Variants in STRBP observed in about 807,000 individuals in gnomAD.
STRBP encodes the protein spermatid perinuclear RNA binding protein, also known as spermatid perinuclear RNA-binding protein.
A neutral mutation model predicts 80.1 loss-of-function variants in STRBP; 13 were observed. The observed-to-expected ratio is 0.16, with a 90% confidence interval of 0.11 to 0.26. The LOEUF is 0.26. Ranked by LOEUF, STRBP falls within the 10% of genes least tolerant of loss-of-function variation. The pLI is 1.00. For synonymous variants in STRBP, 284 were observed against 291.2 expected (o/e 0.98, Z 0.25); for missense variants, 485 against 815.2 (o/e 0.59, Z 4.93).
chr9:123,158,278 A>T, intron 10 of STRBP, 54 bp downstream of exon 10: 1 of 1,589,286 alleles, frequency 6.3e-7, no homozygotes, highest in Non-Finnish European at 8.6e-7. Context: ...CAATTGAGAA[A>T]ATTAAGTTAT....
At chr9:123,222,364 C>T (rs1399222723) in intron 2 of STRBP, among the ~76,000 whole-genome samples, 1 of 152,032 alleles carries the variant, frequency 6.6e-6, no homozygotes. Flanking sequence ...TGGTCCCACA[C>T]CTGGAATCAG....
intron 1 of STRBP, among the ~76,000 whole-genome samples, chr9:123,241,970 C>A (rs907481713): frequency 6.6e-6 from 1 of 152,220 alleles, no homozygotes; most frequent in Admixed American, 6.5e-5. Context: ...TCATTACACT[C>A]CAGACACCCT....
chr9:123,155,506 T>TTAC (rs2037243624), intron 11 of STRBP, among the ~76,000 whole-genome samples: 1 of 149,872 alleles, frequency 6.7e-6, no homozygotes, highest in African/African-American at 2.5e-5. Context: ...TGCTAGAGAG[T>TTAC]GGTAATCAAG....
At chr9:123,134,550 A>C (rs1426569451) in intron 16 of STRBP, among the ~76,000 whole-genome samples, 2 of 152,248 alleles carry the variant, frequency 1.3e-5, no homozygotes. Flanking sequence ...CACATTGAAC[A>C]CATGAGTTTT....
intron 6 of STRBP, among the ~76,000 whole-genome samples, chr9:123,164,811 A>G (rs1310197379): frequency 1.3e-5 from 2 of 152,206 alleles, no homozygotes; most frequent in African/African-American, 4.8e-5. Context: ...TTCTGGAGAG[A>G]AGACATGCCC....
rs139629948 is a variant in STRBP, at chr9:123,246,418, G to C, written c.-301-9452C>G. 1.9e-3 allele frequency among the ~76,000 whole-genome samples: 287 copies of C among 152,336 alleles called. 2 individuals are homozygous for C. Among genetic ancestry groups the C allele is most frequent in the Non-Finnish European group, 3.3e-3 (225 of 68,026 alleles). ...CATGAATACTGCAAGGATTTTGGCA[G>C]ACCGATGTAGAGTCGCTCACATTTC... is the stretch of plus-strand genomic sequence containing the variant. On this transcript the variant is annotated intron_variant, in intron 1 of 18. Coordinates refer to ENST00000348403, the MANE Select transcript of STRBP (RefSeq NM_018387.5).
At chr9:123,224,419 C>G (rs2040170258) in intron 2 of STRBP, among the ~76,000 whole-genome samples, 1 of 152,202 alleles carries the variant, frequency 6.6e-6, no homozygotes, top group Non-Finnish European at 1.5e-5. Flanking sequence ...TTAATTCAAT[C>G]CTATCACCCA....
chr9:123,239,705 G>C (rs774958204), intron 1 of STRBP, among the ~76,000 whole-genome samples: 1 of 152,142 alleles, frequency 6.6e-6, no homozygotes, highest in Non-Finnish European at 1.5e-5. Flanking sequence ...GTCTGGCACT[G>C]ACCTAGGAAC....
chr9:123,265,791 A>G (rs2041253654), intron 1 of STRBP, among the ~76,000 whole-genome samples: 1 of 152,194 alleles, frequency 6.6e-6, no homozygotes, highest in African/African-American at 2.4e-5. Flanking sequence ...ACTCAAATCA[A>G]AATACCAGAG....
intron 6 of STRBP, among the ~76,000 whole-genome samples, chr9:123,163,967 A>G (rs1281061058): frequency 6.6e-6 from 1 of 152,244 alleles, no homozygotes; most frequent in Non-Finnish European, 1.5e-5. Flanking sequence ...GATAAGAAAC[A>G]GCATGGGAGG....
chr9:123,197,341 G>A (rs1000825038), intron 2 of STRBP, among the ~76,000 whole-genome samples: 3 of 152,168 alleles, frequency 2.0e-5, no homozygotes, highest in East Asian at 1.9e-4. Context: ...GGTGATTACA[G>A]TCAGTAATTT....
Position 123,231,301 on chromosome 9 carries a change from C to CA in STRBP, c.-165+5528dup, listed in dbSNP as rs1225955842. ...CTTCCAACTGCCTTCCACACATCTCCATCTGGAGGGTTGACTCCAAATATA... is the reference window on the plus strand; with the variant it reads ...CTTCCAACTGCCTTCCACACATCTCCAATCTGGAGGGTTGACTCCAAATATA... On this transcript the variant is annotated intron_variant, in intron 2 of 18. Coordinates refer to ENST00000348403, the MANE Select transcript of STRBP (RefSeq NM_018387.5). Among the ~76,000 whole-genome samples the CA allele has an allele frequency of 4.6e-5, 7 of 152,218 alleles. No individual in the cohort carries two copies. In the South Asian group the frequency reaches 1.4e-3, roughly 31 times the overall value.
Position 123,122,002 on chromosome 9 carries a change from G to A in STRBP, c.*3595C>T, listed in dbSNP as rs1183479581. 5.1e-6 allele frequency: 1 copy of A among 197,132 alleles called. No homozygotes were observed. Among genetic ancestry groups the A allele is most frequent in the Non-Finnish European group, 1.0e-5 (1 of 96,342 alleles). The allele number at this position is 197,132 out of a possible 1,614,324, so 12.2% of individuals were successfully genotyped here. A position where few individuals can be genotyped will look rare whatever the true frequency, so the allele number is the denominator to read the frequency against. On this transcript the variant is annotated 3_prime_UTR_variant, in exon 19 of 19. Transcript: ENST00000348403. ...AGTGTAAGTGAAATGTCTGTCTTGA[G>A]TAAAAAGCAGTTACAAGGGTATTAA...
chr9:123,115,858 C>T lies in STRBP; in HGVS notation c.*84+71G>A. The T allele has an allele frequency of 2.8e-6, 1 of 362,826 alleles. No homozygotes were observed. Among genetic ancestry groups the T allele is most frequent in the Non-Finnish European group, 5.4e-6 (1 of 184,458 alleles). 22.5% of individuals were successfully genotyped at this position (362,826 alleles called of 1,614,324 possible). ...GTGTATTTTAGCTCAAATTGCCCCA[C>T]TGGCTTCCCATAATTGTCTTTCACC... On this transcript the variant is annotated intron_variant and NMD_transcript_variant, in intron 3 of 3. Transcript: ENST00000471564. This position sits in a 1 kb window ranked among gnomAD's most constrained non-coding sequence, Gnocchi z 5.0.
chr9:123,243,126 G>A (rs112502836), intron 1 of STRBP, among the ~76,000 whole-genome samples: 12 of 152,030 alleles, frequency 7.9e-5, no homozygotes, highest in African/African-American at 2.2e-4. Context: ...CACAGAGATC[G>A]ATGGAGTAGA....
chr9:123,148,013 CATT>C, intron 11 of STRBP, 143 bp from the exon 12 acceptor site: 1 of 665,528 alleles, frequency 1.5e-6, no homozygotes, highest in South Asian at 3.3e-5. Context: ...GTTAAATTAC[CATT>C]ATTTATAATC....
chr9:123,167,015 C>T (rs1161517681), intron 6 of STRBP, among the ~76,000 whole-genome samples: 1 of 152,056 alleles, frequency 6.6e-6, no homozygotes, highest in Non-Finnish European at 1.5e-5. Context: ...AAATGTAAAT[C>T]GTGATTTGAA....
chr9:123,244,357 T>C (rs758959463), intron 1 of STRBP, among the ~76,000 whole-genome samples: 4 of 152,198 alleles, frequency 2.6e-5, no homozygotes, highest in Non-Finnish European at 4.4e-5. Context: ...AAAACTATTC[T>C]GTATGATACT....
At chr9:123,170,218 C>A (rs1255477312) in intron 5 of STRBP, among the ~76,000 whole-genome samples, 172 bp from the exon 6 acceptor site, 1 of 152,170 alleles carries the variant, frequency 6.6e-6, no homozygotes, top group Non-Finnish European at 1.5e-5. Flanking sequence ...TTTCTCTCCT[C>A]CCAACTTACA....
Sources: allele counts gnomAD v4.1 joint callset (sites outside exome capture counted in the v4.1 genomes callset), GRCh38; gene constraint gnomAD v4.1.1; non-coding constraint Gnocchi (gnomAD v3.1); transcripts MANE v1.5; gene names NCBI Gene and HGNC (gene_info 2026-07-23, HGNC 2026-07-21).